Variants in XIRP2 observed in about 807,000 individuals in gnomAD.
XIRP2 encodes the protein xin actin binding repeat containing 2.
A neutral mutation model predicts 277.0 loss-of-function variants in XIRP2; 236 were observed. The observed-to-expected ratio is 0.85, with a 90% CI of 0.77 to 0.95. The LOEUF (loss-of-function observed/expected upper bound fraction) is 0.95, where lower values mean the gene tolerates loss of function less well. XIRP2 is among the 40% of genes least tolerant of loss of function. XIRP2 has a pLI of 0.00. For synonymous variants in XIRP2, 1,490 were observed against 1,416.5 expected (o/e 1.05, Z -1.17); for missense variants, 4,640 against 4,157.5 (o/e 1.12, Z -3.19).
intron 3 of XIRP2, among the ~76,000 whole-genome samples, chr2:167,170,481 T>C (rs1692654695): frequency 6.6e-6 from 1 of 152,186 alleles, no homozygotes; most frequent in Non-Finnish European, 1.5e-5. Context: ...TTACAATTCA[T>C]TTACTGAATA....
intron 2 of XIRP2, among the ~76,000 whole-genome samples, chr2:167,086,456 G>A (rs1031512455): frequency 1.4e-4 from 21 of 151,864 alleles, no homozygotes; most frequent in African/African-American, 3.4e-4. Flanking sequence ...TCTTTGTGGC[G>A]TTCTCTGTAT....
In XIRP2 at chr2:167,135,761, T is replaced by C. The variant is rs1691526731; in HGVS notation, c.409-148T>C. On this transcript the variant is annotated intron_variant, in intron 2 of 10. Transcript: ENST00000409195. ...ATATGTTTGCAGTTCTTGGCAAAGT[T>C]ATCAACATTTTACCTGAAGCATATT... 9 of 710,638 alleles carry C rather than the reference T, an allele frequency of 1.3e-5. No individual in the cohort carries two copies. The South Asian group carries it at 3.0e-4, about 24-fold the overall frequency. The allele number at this position is 710,638 out of a possible 1,614,324, so 44.0% of individuals were successfully genotyped here.
At chr2:167,224,533 A>C (rs1259100566) in intron 5 of XIRP2, among the ~76,000 whole-genome samples, 3 of 152,088 alleles carry the variant, frequency 2.0e-5, no homozygotes, top group Admixed American at 2.0e-4. Context: ...GTCATGAGCC[A>C]CTGTGCCCAG....
intron 1 of XIRP2, among the ~76,000 whole-genome samples, chr2:166,892,380 T>C (rs151149057): frequency 6.6e-6 from 1 of 152,086 alleles, no homozygotes; most frequent in Non-Finnish European, 1.5e-5. Context: ...CAGGTAGAAA[T>C]CACAGAAACA....
At chr2:166,980,542 G>A (rs994823281) in intron 2 of XIRP2, among the ~76,000 whole-genome samples, 8 of 151,910 alleles carry the variant, frequency 5.3e-5, no homozygotes, top group Admixed American at 1.3e-4. Flanking sequence ...TCAGCCTCCC[G>A]AGTAGCTGGA....
intron 2 of XIRP2, among the ~76,000 whole-genome samples, chr2:166,965,314 C>T (rs1686402036): frequency 6.6e-6 from 1 of 151,898 alleles, no homozygotes; most frequent in South Asian, 2.1e-4. Flanking sequence ...TGACTCTTAG[C>T]AAGTCCTTTG....
At chr2:167,235,403 T>C (rs1316213383) in intron 5 of XIRP2, among the ~76,000 whole-genome samples, 3 of 151,926 alleles carry the variant, frequency 2.0e-5, no homozygotes, top group African/African-American at 7.2e-5. Flanking sequence ...ATCTCAATTT[T>C]GAAAGCAGAT....
chr2:166,966,895 A>C (rs1673542015), intron 2 of XIRP2, among the ~76,000 whole-genome samples: 1 of 152,014 alleles, frequency 6.6e-6, no homozygotes, highest in Non-Finnish European at 1.5e-5. Context: ...GACAAGCAAC[A>C]TCAACATCAC....
intron 2 of XIRP2, among the ~76,000 whole-genome samples, chr2:167,007,427 A>C (rs1687532948): frequency 6.6e-6 from 1 of 151,698 alleles, no homozygotes; most frequent in South Asian, 2.1e-4. Context: ...AGGATATCTC[A>C]GAAAAAATGA....
chr2:167,198,914 A>C (rs1006208787), intron 3 of XIRP2, among the ~76,000 whole-genome samples: 4 of 152,238 alleles, frequency 2.6e-5, no homozygotes, highest in Admixed American at 6.5e-5. Flanking sequence ...TCGTGGACTT[A>C]GGCAGAGAAA....
chr2:167,154,705 C>G (rs1574303867), intron 3 of XIRP2, among the ~76,000 whole-genome samples: 1 of 152,036 alleles, frequency 6.6e-6, no homozygotes, highest in African/African-American at 2.4e-5. Context: ...CAAGAGCAAA[C>G]ACATTCAAAA....
chr2:167,167,544 A>G (rs1692560893), intron 3 of XIRP2, among the ~76,000 whole-genome samples: 2 of 152,126 alleles, frequency 1.3e-5, no homozygotes, highest in African/African-American at 2.4e-5. Context: ...ATATATACTT[A>G]CAACTAATCC....
intron 2 of XIRP2, among the ~76,000 whole-genome samples, chr2:167,052,762 C>T (rs1385004923): frequency 6.6e-6 from 1 of 152,092 alleles, no homozygotes; most frequent in Admixed American, 6.6e-5. Context: ...ACACTAAGAT[C>T]ATTGTTTTTG....
intron 2 of XIRP2, among the ~76,000 whole-genome samples, chr2:166,910,167 G>T (rs1011525728): frequency 6.6e-6 from 1 of 152,186 alleles, no homozygotes; most frequent in African/African-American, 2.4e-5. Flanking sequence ...CTATTGATTG[G>T]AATAGTTTCA....
chr2:167,123,525 T>C (rs926479063), intron 2 of XIRP2, among the ~76,000 whole-genome samples: 1 of 146,116 alleles, frequency 6.8e-6, no homozygotes, highest in African/African-American at 2.6e-5. Flanking sequence ...TTTGTTTTGT[T>C]TTGCAGTTTT....
rs773171758 is a variant in XIRP2, at chr2:167,258,292, A to G, written c.*475A>G. On this transcript the variant is annotated 3_prime_UTR_variant, in exon 11 of 11. Transcript: ENST00000409195. ...AATTTAAAAGTGAATCTCTGCTAGA[A>G]GATGTTAGAACTCCAGAAAATAAAG... 6.2e-7 allele frequency: 1 copy of G among 1,613,470 alleles called. No homozygotes were observed.
chr2:167,103,619 G>A (rs554060341), intron 2 of XIRP2, among the ~76,000 whole-genome samples: 17 of 152,250 alleles, frequency 1.1e-4, no homozygotes, highest in African/African-American at 3.6e-4. Context: ...TTATTTGACC[G>A]GATGTTATTA....
At chr2:166,956,940 T>A (rs1471777167) in intron 2 of XIRP2, among the ~76,000 whole-genome samples, 1 of 151,818 alleles carries the variant, frequency 6.6e-6, no homozygotes, top group African/African-American at 2.4e-5. Flanking sequence ...ATAAGAAAGG[T>A]TAGAATGGAT....
chr2:167,164,284 C>CA (rs368415759), intron 3 of XIRP2, among the ~76,000 whole-genome samples: 395 of 142,000 alleles, frequency 2.8e-3, no homozygotes, highest in Non-Finnish European at 3.4e-3. Context: ...ACTAAAAATA[C>CA]AAAAAAAAAA....
Sources: allele counts gnomAD v4.1 joint callset (sites outside exome capture counted in the v4.1 genomes callset), GRCh38; gene constraint gnomAD v4.1.1; transcripts MANE v1.5; gene names NCBI Gene and HGNC (gene_info 2026-07-23, HGNC 2026-07-21).